The following SULF1 variants were observed in gnomAD, a reference collection of about 807,000 sequenced individuals.
SULF1 encodes the protein extracellular sulfatase Sulf-1.
SULF1 carries 46 observed loss-of-function variants against 110.5 expected under a neutral mutation model. The ratio of observed to expected loss-of-function variants is 0.42; its 90% CI spans 0.33 to 0.53. The LOEUF is 0.53. Ranked by LOEUF, SULF1 falls within the 20% of genes least tolerant of loss-of-function variation. The pLI is 0.12. For synonymous variants in SULF1, 371 were observed against 387.1 expected (o/e 0.96, Z 0.49); for missense variants, 941 against 1,094.2 (o/e 0.86, Z 1.98).
At chr8:69,509,553 A>G (rs1223597830) in intron 3 of SULF1, among the ~76,000 whole-genome samples, 2 of 152,224 alleles carry the variant, frequency 1.3e-5, no homozygotes, top group African/African-American at 2.4e-5. Context: ...AAAAATTTCT[A>G]TAATTAACTC....
upstream of SULF1, among the ~76,000 whole-genome samples, chr8:69,491,538 C>T (rs1344379462): frequency 6.6e-6 from 1 of 152,164 alleles, no homozygotes; most frequent in Non-Finnish European, 1.5e-5. Flanking sequence ...GAACTTAAGC[C>T]CTAAAGTAAG....
chr8:69,581,254 G>A (rs952256722), intron 6 of SULF1, among the ~76,000 whole-genome samples: 3 of 152,032 alleles, frequency 2.0e-5, no homozygotes, highest in African/African-American at 7.2e-5. Context: ...TCAATTACGT[G>A]GATTAAAATC....
chr8:69,486,347 A>G lies in SULF1; in HGVS notation c.-390-9418A>G, dbSNP rs1239973534. 2.0e-5 allele frequency among the ~76,000 whole-genome samples: 3 copies of G among 152,122 alleles called. No individual in the cohort carries two copies. In the East Asian group the frequency reaches 5.8e-4, roughly 29 times the overall value. On this transcript the variant is annotated intron_variant, in intron 1 of 22. Transcript: ENST00000260128. ...TAAAAAAAAAAAATCACAAATCTGT[A>G]GAGCTAGGATTTGGACCCAAGTCAG...
chr8:69,483,138 G>C lies in SULF1; in HGVS notation c.-390-12627G>C, dbSNP rs541709620. The stretch of plus-strand genomic sequence containing the variant: ...AGGGACTTGAGCACCCCTGATTTTG[G>C]TATCTACAGTGGGGCTCTGGAATCA... On this transcript the variant is annotated intron_variant, in intron 1 of 22. Transcript: ENST00000260128. 4.6e-5 allele frequency among the ~76,000 whole-genome samples: 7 copies of C among 152,186 alleles called. No individual in the cohort carries two copies. In the South Asian group the frequency reaches 1.5e-3, roughly 32 times the overall value.
At chr8:69,471,950 C>G (rs774220242) in intron 1 of SULF1, among the ~76,000 whole-genome samples, 14 of 151,598 alleles carry the variant, frequency 9.2e-5, no homozygotes, top group Non-Finnish European at 1.5e-4. Flanking sequence ...CTTCTGCCAC[C>G]AAAGGCAGGG....
At chr8:69,589,166 ACCTGCC>A in intron 8 of SULF1, 25 bp downstream of exon 8, 1 of 1,603,692 alleles carries the variant, frequency 6.2e-7, no homozygotes, top group South Asian at 1.1e-5. Flanking sequence ...CAACTCTGCG[ACCTGCC>A]GAACATGCCT....
intron 3 of SULF1, among the ~76,000 whole-genome samples, chr8:69,549,277 T>A (rs1022454895): frequency 6.6e-6 from 1 of 152,188 alleles, no homozygotes; most frequent in Non-Finnish European, 1.5e-5. Flanking sequence ...CTTGTGCAAA[T>A]TCCGTGTGCT....
intron 7 of SULF1, 67 bp downstream of exon 7, chr8:69,586,575 G>C (rs534235512): frequency 1.3e-6 from 2 of 1,526,326 alleles, no homozygotes; most frequent in Admixed American, 3.8e-5. Flanking sequence ...GCCATTTTCA[G>C]TGAGTTAAAC....
intron 3 of SULF1, among the ~76,000 whole-genome samples, chr8:69,544,075 G>A (rs752942785): frequency 2.6e-5 from 4 of 152,046 alleles, no homozygotes; most frequent in Non-Finnish European, 2.9e-5. Context: ...AAGGTGTTTC[G>A]ATTTACACAT....
chr8:69,628,936 T>C (rs1288924608), intron 18 of SULF1, among the ~76,000 whole-genome samples: 1 of 152,104 alleles, frequency 6.6e-6, no homozygotes, highest in African/African-American at 2.4e-5. Flanking sequence ...TTTATTTCCA[T>C]CGATGTTTCC....
At chr8:69,583,399 C>G (rs1224688959) in intron 6 of SULF1, among the ~76,000 whole-genome samples, 2 of 117,796 alleles carry the variant, frequency 1.7e-5, no homozygotes, top group South Asian at 3.6e-4. Flanking sequence ...GAAACCCCAT[C>G]TCTATTTAAA....
At chr8:69,550,279 AG>A (rs769784464) in intron 3 of SULF1, among the ~76,000 whole-genome samples, 9 of 152,126 alleles carry the variant, frequency 5.9e-5, no homozygotes, top group Non-Finnish European at 1.3e-4. Context: ...TCATTTAAAA[AG>A]AAAAAAAAAT....
At chr8:69,600,782 GT>G in intron 9 of SULF1, 29 bp downstream of exon 9, 3 of 1,602,750 alleles carry the variant, frequency 1.9e-6, no homozygotes, top group South Asian at 1.1e-5. Context: ...CTCAGTGATA[GT>G]TTTTGGCCCA....
intron 5 of SULF1, among the ~76,000 whole-genome samples, chr8:69,566,125 G>A (rs1298328889): frequency 6.6e-6 from 1 of 151,698 alleles, no homozygotes; most frequent in Non-Finnish European, 1.5e-5. Flanking sequence ...CCTTCCACTT[G>A]ACCAAGATCA....
At chr8:69,523,668 G>A (rs768583588) in intron 3 of SULF1, among the ~76,000 whole-genome samples, 14 of 152,066 alleles carry the variant, frequency 9.2e-5, no homozygotes, top group East Asian at 5.8e-4. Context: ...AATGACTGTC[G>A]GTGGAATTAT....
chr8:69,592,917 T>C (rs1378694118), intron 8 of SULF1: 1 of 987,262 alleles, frequency 1.0e-6, no homozygotes, highest in Non-Finnish European at 1.2e-6. Context: ...GCCATTCCAA[T>C]GGAACAGACA....
chr8:69,506,235 T>TACACAC (rs10656748), intron 3 of SULF1, among the ~76,000 whole-genome samples: 4,003 of 149,874 alleles, frequency 0.027, 60 homozygotes, highest in African/African-American at 0.03. Context: ...ACACTAAACA[T>TACACAC]ACACACACAC....
chr8:69,525,138 A>T (rs1052809090), intron 3 of SULF1, among the ~76,000 whole-genome samples: 7 of 152,156 alleles, frequency 4.6e-5, no homozygotes, highest in African/African-American at 1.4e-4. Context: ...GTCAGAGGAG[A>T]TGATCAAATT....
intron 1 of SULF1, chr8:69,473,140 T>C (rs554733447): frequency 1.3e-5 from 2 of 152,234 alleles, no homozygotes; most frequent in South Asian, 4.2e-4. Context: ...ACACCGGCCC[T>C]AAGCCACTTT....
Sources: gnomAD v4.1 joint callset for allele counts (sites outside exome capture counted in the v4.1 genomes callset) on GRCh38, gnomAD v4.1.1 for gene constraint, MANE v1.5 for transcripts, NCBI Gene and HGNC (gene_info 2026-07-23, HGNC 2026-07-21) for gene names.